Variants in MAP3K9 observed in about 807,000 individuals in gnomAD.
MAP3K9 encodes the protein mitogen-activated protein kinase kinase kinase 9.
A neutral mutation model predicts 95.8 loss-of-function variants in MAP3K9; 46 were observed. The observed-to-expected ratio is 0.48, with a 90% CI of 0.38 to 0.61. The LOEUF is 0.61. MAP3K9 is among the 20% of genes least tolerant of loss of function. MAP3K9 has a pLI of 0.00. For synonymous variants in MAP3K9, 533 were observed against 593.8 expected (o/e 0.90, Z 1.49); for missense variants, 1,296 against 1,474.3 (o/e 0.88, Z 1.98).
Position 70,779,127 on chromosome 14 carries a change from G to A in MAP3K9, c.821-17945C>T, listed in dbSNP as rs964988693. On this transcript the variant is annotated intron_variant, in intron 2 of 11. Transcript: ENST00000554752. ...TAAGAAATAGTCCCTTGTAGCTGGA[G>A]CAGAACTTTCATGAGGTAGAAAGGG... 9.2e-5 allele frequency among the ~76,000 whole-genome samples: 14 copies of A among 152,252 alleles called. No homozygotes were observed. The East Asian group carries it at 2.7e-3, about 29-fold the overall frequency.
intron 2 of MAP3K9, among the ~76,000 whole-genome samples, chr14:70,781,289 G>A (rs921032003): frequency 2.6e-5 from 4 of 152,230 alleles, no homozygotes; most frequent in Non-Finnish European, 5.9e-5. Flanking sequence ...TGGACAGACT[G>A]CACATGGGCA....
intron 2 of MAP3K9, among the ~76,000 whole-genome samples, chr14:70,797,329 A>G (rs1207673185): frequency 6.6e-6 from 1 of 152,168 alleles, no homozygotes; most frequent in Non-Finnish European, 1.5e-5. Flanking sequence ...TATGGCTCCC[A>G]AGCTGGAGGC....
chr14:70,795,764 TTTC>T (rs2054857664), intron 2 of MAP3K9, among the ~76,000 whole-genome samples: 1 of 137,304 alleles, frequency 7.3e-6, no homozygotes, highest in Non-Finnish European at 1.6e-5. Context: ...TTCATTCTTT[TTTC>T]TTTTTTTTTT....
chr14:70,808,724 T>A, intron 1 of MAP3K9, 42 bp downstream of exon 1: 10 of 715,642 alleles, frequency 1.4e-5, no homozygotes, highest in Non-Finnish European at 1.8e-5. Context: ...CCCCCAGGCC[T>A]CCGTCATTCC....
At chr14:70,754,765 C>T (rs1423837346) in intron 3 of MAP3K9, among the ~76,000 whole-genome samples, 3 of 152,148 alleles carry the variant, frequency 2.0e-5, no homozygotes, top group African/African-American at 7.2e-5. Context: ...GCCACCGTGC[C>T]CAGCCACTAT....
chr14:70,786,608 C>T (rs1159300676), intron 2 of MAP3K9, among the ~76,000 whole-genome samples: 11 of 152,128 alleles, frequency 7.2e-5, no homozygotes, highest in African/African-American at 2.7e-4. Flanking sequence ...GGGTACAGAT[C>T]CTGTTTCCAC....
chr14:70,764,862 A>G (rs1367511813), intron 2 of MAP3K9, among the ~76,000 whole-genome samples: 1 of 152,190 alleles, frequency 6.6e-6, no homozygotes. Flanking sequence ...ACAAAAAAAA[A>G]GTAAATAGAA....
chr14:70,754,334 C>T (rs2054269657), intron 3 of MAP3K9, among the ~76,000 whole-genome samples: 1 of 152,150 alleles, frequency 6.6e-6, no homozygotes, highest in African/African-American at 2.4e-5. Context: ...TAGGGATAGG[C>T]AGATGAGCAC....
chr14:70,772,316 G>C (rs146235740), intron 2 of MAP3K9, among the ~76,000 whole-genome samples: 40 of 152,282 alleles, frequency 2.6e-4, no homozygotes, highest in Admixed American at 5.2e-4. Flanking sequence ...GGGGACTTAG[G>C]AGTCACTCCC....
chr14:70,771,718 G>C (rs897759117), intron 2 of MAP3K9, among the ~76,000 whole-genome samples: 1 of 152,170 alleles, frequency 6.6e-6, no homozygotes, highest in African/African-American at 2.4e-5. Flanking sequence ...CTGAAGAACA[G>C]CTAAACATAG....
chr14:70,801,031 G>C lies in MAP3K9; in HGVS notation c.456C>G (p.Ile152Met). 1 of 1,614,048 alleles carries C rather than the reference G, an allele frequency of 6.2e-7. No individual in the cohort carries two copies. The highest frequency in any genetic ancestry group is 8.5e-7 in the Non-Finnish European group (1 of 1,180,018). Residue 152 changes from isoleucine (I) to methionine (M), a missense_variant, in exon 2 of 12, where the codon ATC becomes ATG. Physicochemically the swap from Ile to Met is conservative, Grantham distance 10. Around this residue, in one of 5 missense-constraint regions of MAP3K9, gnomAD observed 338 missense variants for 363.4 expected, o/e 0.93. Transcript: ENST00000554752. ...CACGATAGACCTTCCCAAAGCCCCC[G>C]ATGCCAATAATCTCTTCCAAGGTGA... is the stretch of plus-strand genomic sequence containing the variant. ...AELTLEEIIG[I>M]GGFGKVYRAF...
At chr14:70,775,353 G>A (rs573952508) in intron 2 of MAP3K9, among the ~76,000 whole-genome samples, 20 of 152,204 alleles carry the variant, frequency 1.3e-4, no homozygotes, top group African/African-American at 3.4e-4. Context: ...TCTAGGAAGC[G>A]AAAGAGTCAA....
chr14:70,733,139 C>T lies in MAP3K9; in HGVS notation c.2230G>A (p.Ala744Thr). ...GCCACCTCGCAGCGGCGGTGGTGGG[C>T]ACCGCCCCGCTTGAGGCTGTTGGTT... is the stretch of plus-strand genomic sequence containing the variant. ...TPTNSLKRGG[A>T]HHRRCEVALL... The change falls in exon 11 of 12, where the codon GCC becomes ACC. Residue 744 changes from alanine (A) to threonine (T), a missense_variant. Coordinates refer to ENST00000554752, the MANE Select transcript of MAP3K9 (RefSeq NM_001284230.2). 1 of 1,613,484 alleles carries T rather than the reference C, an allele frequency of 6.2e-7. No homozygotes were observed. Among genetic ancestry groups the T allele is most frequent in the South Asian group, 1.1e-5 (1 of 91,016 alleles).
intron 1 of MAP3K9, 33 bp downstream of exon 1, chr14:70,808,732 TC>T: frequency 1.5e-6 from 2 of 1,354,238 alleles, no homozygotes; most frequent in Admixed American, 2.8e-5. Flanking sequence ...CCTCCGTCAT[TC>T]CCCCTCCCCG....
chr14:70,763,054 T>A lies in MAP3K9; in HGVS notation c.821-1872A>T, dbSNP rs557332128. 4.6e-5 allele frequency among the ~76,000 whole-genome samples: 7 copies of A among 152,258 alleles called. No individual in the cohort carries two copies. The South Asian group carries it at 1.5e-3, about 32-fold the overall frequency. On this transcript the variant is annotated intron_variant, in intron 2 of 11. Coordinates refer to ENST00000554752, the MANE Select transcript of MAP3K9 (RefSeq NM_001284230.2). ...TGCTTTCCTGAGTGGAAGAGAAAGGTTATATTCACAGCAGTTTACATATTT... is the reference window on the plus strand; with the variant it reads ...TGCTTTCCTGAGTGGAAGAGAAAGGATATATTCACAGCAGTTTACATATTT...
intron 6 of MAP3K9, among the ~76,000 whole-genome samples, chr14:70,741,338 C>A (rs961657331): frequency 6.6e-5 from 10 of 152,198 alleles, no homozygotes; most frequent in Non-Finnish European, 1.2e-4. Flanking sequence ...GATCCACCCG[C>A]CTCGGCCTCC....
chr14:70,809,410 T>G lies in MAP3K9; in HGVS notation c.-239A>C. 1.4e-5 allele frequency: 5 copies of G among 361,276 alleles called. No homozygotes were observed. The highest frequency in any genetic ancestry group is 1.9e-5 in the Non-Finnish European group (4 of 211,606). The allele number at this position is 361,276 out of a possible 1,614,324, so 22.4% of individuals were successfully genotyped here. ...GGGCGCAGCGGGCCGAGTCCCCGCC[T>G]GCCCGCTCGCCCCCCCGGGGGCGGC... On this transcript the variant is annotated 5_prime_UTR_variant, in exon 1 of 12. Transcript: ENST00000554752.
At chr14:70,775,607 A>G (rs1267088379) in intron 2 of MAP3K9, among the ~76,000 whole-genome samples, 2 of 152,186 alleles carry the variant, frequency 1.3e-5, no homozygotes, top group Non-Finnish European at 2.9e-5. Flanking sequence ...ACTACTGAAC[A>G]CAGAGCCCAG....
At chr14:70,789,283 G>A (rs563223919) in intron 2 of MAP3K9, among the ~76,000 whole-genome samples, 9 of 152,270 alleles carry the variant, frequency 5.9e-5, no homozygotes, top group Non-Finnish European at 1.0e-4. Flanking sequence ...TGCCTGTTTC[G>A]GTGGGAATAG....
Sources: allele counts gnomAD v4.1 joint callset (sites outside exome capture counted in the v4.1 genomes callset), GRCh38; gene constraint gnomAD v4.1.1; regional missense constraint gnomAD v4.1.1; transcripts MANE v1.5; gene names NCBI Gene and HGNC (gene_info 2026-07-23, HGNC 2026-07-21).